The following DHCR7 variants were observed in gnomAD, a reference collection of about 807,000 sequenced individuals.
The protein encoded by DHCR7 is 7-dehydrocholesterol reductase.
DHCR7 carries 40 observed loss-of-function variants against 43.3 expected under a neutral mutation model. The observed-to-expected ratio is 0.92, with a 90% CI of 0.72 to 1.20. DHCR7 has a LOEUF of 1.20. Among genes scored for constraint, DHCR7 ranks in the 50% most tolerant of loss-of-function variants. The pLI, the probability that DHCR7 is intolerant of heterozygous loss-of-function variation, is 0.00. For synonymous variants in DHCR7, 298 were observed against 271.4 expected, an observed-to-expected ratio of 1.10 and a Z score of -0.96; for missense variants, 608 against 644.6, an observed-to-expected ratio of 0.94 and a Z score of 0.62.
chr11:71,438,726 T>C (rs752547202), intron 7 of DHCR7, 153 bp downstream of exon 7: 11 of 798,648 alleles, frequency 1.4e-5, no homozygotes, highest in Non-Finnish European at 2.1e-5. Context: ...CTTCACCAAG[T>C]GCTCGCCGGC....
At position 71,434,747 on chromosome 11, in the gene DHCR7, C is replaced by CT; in HGVS notation, c.*627dup. On this transcript the variant is annotated 3_prime_UTR_variant, in exon 9 of 9. Coordinates refer to ENST00000355527, the MANE Select transcript of DHCR7 (RefSeq NM_001360.3). ...GGCCACAGCCGGTGCTGGGACCTCTCTGAGGTCTGCAGACTCCAGGCAGAG... is the reference window on the plus strand; with the variant it reads ...GGCCACAGCCGGTGCTGGGACCTCTCTTGAGGTCTGCAGACTCCAGGCAGAG... The CT allele has an allele frequency of 3.9e-6, 1 of 255,004 alleles. No individual in the cohort carries two copies. Among genetic ancestry groups the CT allele is most frequent in the South Asian group, 4.2e-5 (1 of 23,678 alleles). 15.8% of individuals were successfully genotyped at this position (255,004 alleles called of 1,614,324 possible).
chr11:71,430,624 T>G (rs758448137), downstream of DHCR7, among the ~76,000 whole-genome samples: 5 of 152,208 alleles, frequency 3.3e-5, no homozygotes, highest in African/African-American at 4.8e-5. Context: ...TGGGTCCCAC[T>G]CTTGCCCAGC....
chr11:71,428,735 G>A (rs1479492304), exon 3 of DHCR7: 1 of 434,536 alleles, frequency 2.3e-6, no homozygotes, highest in Non-Finnish European at 4.6e-6. Context: ...TGTCCAGGGG[G>A]AAACAGCCCA....
intron 8 of DHCR7, among the ~76,000 whole-genome samples, chr11:71,436,706 C>T (rs905009974): frequency 2.0e-5 from 3 of 151,860 alleles, no homozygotes; most frequent in Non-Finnish European, 4.4e-5. Context: ...ACAGCATCAA[C>T]TCTTCCCTGG....
chr11:71,442,113 G>A (rs1056144629), intron 5 of DHCR7, 150 bp downstream of exon 5: 1 of 674,452 alleles, frequency 1.5e-6, no homozygotes, highest in Non-Finnish European at 2.6e-6. Flanking sequence ...GCCCTCAATG[G>A]TTTTGAGGCC....
rs563020897 is a variant in DHCR7 at position 71,435,217 on chromosome 11, C to T, written c.*158G>A. On this transcript the variant is annotated 3_prime_UTR_variant, in exon 9 of 9. Coordinates refer to ENST00000355527, the MANE Select transcript of DHCR7 (RefSeq NM_001360.3). ...TTGAAGGCAAAAGCAAGGAACAGAG[C>T]GTGATTAGGTACTGGACACCTGCCA... The T allele has an allele frequency of 8.0e-5, 61 of 762,688 alleles. No homozygotes were observed. The highest frequency in any genetic ancestry group is 4.5e-4 in the Admixed American group (23 of 50,570). 47.2% of individuals were successfully genotyped at this position (762,688 alleles called of 1,614,324 possible).
chr11:71,439,227 C>T lies in DHCR7; in HGVS notation c.627-144G>A, dbSNP rs1480813678. On this transcript the variant is annotated intron_variant, in intron 6 of 8. Coordinates refer to ENST00000355527, the MANE Select transcript of DHCR7 (RefSeq NM_001360.3). ...GCAGGCAGAAGCTGGCCATGAGCCG[C>T]TGGGACCCCCACGGCTGGAATGCTT... is the stretch of plus-strand genomic sequence containing the variant. The T allele has an allele frequency of 3.9e-6, 3 of 765,728 alleles. No homozygotes were observed. The Admixed American group carries it at 6.8e-5, about 17-fold the overall frequency. 47.4% of individuals were successfully genotyped at this position (765,728 alleles called of 1,614,324 possible).
chr11:71,440,586 G>T (rs1949338361), intron 6 of DHCR7, among the ~76,000 whole-genome samples: 1 of 151,380 alleles, frequency 6.6e-6, no homozygotes, highest in South Asian at 2.1e-4. Context: ...GGTGATGGGA[G>T]GGTAGATGGA....
chr11:71,430,028 C>T (rs1039688486), downstream of DHCR7, among the ~76,000 whole-genome samples: 1 of 152,196 alleles, frequency 6.6e-6, no homozygotes, highest in Non-Finnish European at 1.5e-5. Context: ...GATTTCCTAA[C>T]AGATTTGGAG....
At chr11:71,429,884 T>C (rs75056662), downstream of DHCR7, among the ~76,000 whole-genome samples, 3,927 of 152,214 alleles carry the variant, frequency 0.026, 158 homozygotes, top group African/African-American at 0.087. Context: ...CCCTGACCAC[T>C]TCCTGGAACA....
At position 71,441,695 on chromosome 11, in the gene DHCR7, T is replaced by G. The variant is rs79386250; in HGVS notation, c.413-255A>C. On this transcript the variant is annotated intron_variant, in intron 5 of 8. Coordinates refer to ENST00000355527, the MANE Select transcript of DHCR7 (RefSeq NM_001360.3). ...TCTCGTTAACTGGCCATAGGCTGAGTGACAGGTGTGCAGTCTGATAGGGAG... is the reference window on the plus strand; with the variant it reads ...TCTCGTTAACTGGCCATAGGCTGAGGGACAGGTGTGCAGTCTGATAGGGAG... Among the ~76,000 whole-genome samples, 363 of 152,220 alleles carry G rather than the reference T, an allele frequency of 2.4e-3. 3 individuals carry two copies. The highest frequency in any genetic ancestry group is 0.017 in the South Asian group (84 of 4,824).
intron 3 of DHCR7, 102 bp from the exon 4 acceptor site, chr11:71,444,317 C>A: frequency 1.0e-6 from 1 of 966,060 alleles, no homozygotes; most frequent in Non-Finnish European, 1.6e-6. Flanking sequence ...TCAAACCCAC[C>A]AGTACCCCAT....
chr11:71,438,904 G>T lies in DHCR7; in HGVS notation c.806C>A (p.Ala269Asp). Residue 269 changes from alanine (A) to aspartate (D), a missense_variant, in exon 7 of 9, where the codon GCC (alanine) becomes GAC (aspartate). Physicochemically the swap from Ala to Asp is moderately radical, Grantham distance 126. Transcript: ENST00000355527. ...QRELHSHVTN[A>D]MVLVNVLQAI... Reference sequence around the variant, plus strand: ...CTGCAGGACGTTGACCAGGACCATGGCATTGGTCACATGGCTGTGGAGCTC... The same window carrying T: ...CTGCAGGACGTTGACCAGGACCATGTCATTGGTCACATGGCTGTGGAGCTC... 2 of 1,613,896 alleles carry T rather than the reference G, an allele frequency of 1.2e-6. No homozygotes were observed. The highest frequency in any genetic ancestry group is 1.7e-6 in the Non-Finnish European group (2 of 1,180,030).
downstream of DHCR7, among the ~76,000 whole-genome samples, chr11:71,430,753 G>A (rs1255454220): frequency 2.0e-5 from 3 of 152,266 alleles, no homozygotes; most frequent in Non-Finnish European, 4.4e-5. Flanking sequence ...GGAAGGGCAG[G>A]TCATCTTCCC....
chr11:71,439,228 T>C, intron 6 of DHCR7, 145 bp from the exon 7 acceptor site: 2 of 765,684 alleles, frequency 2.6e-6, no homozygotes, highest in Non-Finnish European at 4.3e-6. Context: ...CATGAGCCGC[T>C]GGGACCCCCA....
rs770947907 is a variant in DHCR7, at chr11:71,444,901, C to A, written c.52G>T (p.Val18Phe). ...TGAGATGCGGTTCTGTCATTGGTGACGCCATCTAGACTCTTGGCTTTGGGA... is the reference window on the plus strand; with the variant it reads ...TGAGATGCGGTTCTGTCATTGGTGAAGCCATCTAGACTCTTGGCTTTGGGA... ...NIPKAKSLDG[V>F]TNDRTASQGQ... The change falls in exon 3 of 9, where the codon GTC becomes TTC. Residue 18 changes from valine (V) to phenylalanine (F), a missense_variant. Transcript: ENST00000355527. 2.5e-6 allele frequency: 4 copies of A among 1,614,202 alleles called. No individual in the cohort carries two copies. The highest frequency in any genetic ancestry group is 3.4e-6 in the Non-Finnish European group (4 of 1,180,034).
intron 5 of DHCR7, 121 bp from the exon 6 acceptor site, chr11:71,441,561 C>T: frequency 1.1e-6 from 1 of 871,606 alleles, no homozygotes; most frequent in Non-Finnish European, 1.9e-6. Context: ...GCTGCGGACC[C>T]TCATCTGGGG....
At chr11:71,445,632 T>C (rs1210749410) in intron 2 of DHCR7, among the ~76,000 whole-genome samples, 1 of 152,102 alleles carries the variant, frequency 6.6e-6, no homozygotes, top group Non-Finnish European at 1.5e-5. Context: ...TACCAGGGCC[T>C]AGAACAGTGG....
Position 71,436,060 on chromosome 11 carries a change from T to G in DHCR7, c.964-221A>C, listed in dbSNP as rs930900944. 1.0e-5 allele frequency: 6 copies of G among 595,050 alleles called. No individual in the cohort carries two copies. In the African/African-American group the frequency reaches 1.1e-4, roughly 11 times the overall value. 36.9% of individuals were successfully genotyped at this position (595,050 alleles called of 1,614,324 possible). On this transcript the variant is annotated intron_variant, in intron 8 of 8. Transcript: ENST00000355527. ...CCTTCTACCTGTCTGTGTGTGTATG[T>G]GTGTGTGTATATATACCCCCTATAT...
Sources: gnomAD v4.1 joint callset for allele counts (sites outside exome capture counted in the v4.1 genomes callset) on GRCh38, gnomAD v4.1.1 for gene constraint, MANE v1.5 for transcripts, NCBI Gene and HGNC (gene_info 2026-07-23, HGNC 2026-07-21) for gene names.